XKR3: variants seen among roughly 807,000 people sequenced by gnomAD.
The protein encoded by XKR3 is XK related 3, also known as XK-related protein 3.
Under a neutral mutation model 40.3 loss-of-function variants are expected in XKR3, and 27 were observed. The observed-to-expected ratio is 0.67, with a 90% CI of 0.49 to 0.92. XKR3 has a LOEUF of 0.92. Ranked by LOEUF, XKR3 falls within the 40% of genes least tolerant of loss-of-function variation. XKR3 has a pLI of 0.00. For missense variants in XKR3, 472 were observed against 537.6 expected, an observed-to-expected ratio of 0.88 and a Z score of 1.21; for synonymous variants, 193 against 195.4, an observed-to-expected ratio of 0.99 and a Z score of 0.10.
intron 3 of XKR3, among the ~76,000 whole-genome samples, chr22:16,794,047 G>A (rs1460639298): frequency 6.6e-5 from 10 of 152,134 alleles, no homozygotes; most frequent in South Asian, 2.1e-4. Flanking sequence ...ATGGGGTTAC[G>A]TAAAGCAACC....
rs1438964115 is a variant in XKR3 at position 16,808,091 on chromosome 22, T to A, written c.-10-8A>T. 6.4e-7 allele frequency: 1 copy of A among 1,568,048 alleles called. No homozygotes were observed. The highest frequency in any genetic ancestry group is 2.0e-5 in the Admixed American group (1 of 51,248). ...GTCTCCATTCTCAGGGTGCTGCTAA[T>A]TCAAAGTCGTCTTGTCAGTGAATCC... On this transcript the variant is annotated splice_region_variant and splice_polypyrimidine_tract_variant and intron_variant, in intron 1 of 3. Coordinates refer to ENST00000684488, the MANE Select transcript of XKR3 (RefSeq NM_001386955.1).
At chr22:16,807,646 C>A (rs935449110) in intron 2 of XKR3, 93 bp downstream of exon 2, 1 of 1,161,336 alleles carries the variant, frequency 8.6e-7, no homozygotes, top group South Asian at 1.7e-5. Flanking sequence ...ATTCCGTAAA[C>A]GATAATTATG....
intron 1 of XKR3, among the ~76,000 whole-genome samples, chr22:16,818,886 T>C (rs1397056877): frequency 6.6e-6 from 1 of 152,062 alleles, no homozygotes; most frequent in Non-Finnish European, 1.5e-5. Flanking sequence ...CCCTACCCTA[T>C]TCTGTCAGTG....
chr22:16,798,295 A>G (rs913708779), intron 3 of XKR3, among the ~76,000 whole-genome samples: 4 of 152,180 alleles, frequency 2.6e-5, no homozygotes, highest in African/African-American at 9.7e-5. Flanking sequence ...AAAAATGGCT[A>G]CTATTAAAAT....
At chr22:16,819,966 A>T (rs1041701318) in intron 1 of XKR3, among the ~76,000 whole-genome samples, 4 of 152,224 alleles carry the variant, frequency 2.6e-5, no homozygotes, top group African/African-American at 9.6e-5. Context: ...ACAAAAAGTC[A>T]CTGAACATTA....
In XKR3 at chr22:16,813,474, C is replaced by T. The variant is rs139159702; in HGVS notation, c.-10-5391G>A. ...GATTTTTAAGCCGAGCATACTGAGGCAAGAAAGTTTAAGTAATTTGTCCAA... is the reference window on the plus strand; with the variant it reads ...GATTTTTAAGCCGAGCATACTGAGGTAAGAAAGTTTAAGTAATTTGTCCAA... On this transcript the variant is annotated intron_variant, in intron 1 of 3. Coordinates refer to ENST00000684488, the MANE Select transcript of XKR3 (RefSeq NM_001386955.1). Among the ~76,000 whole-genome samples the T allele has an allele frequency of 2.8e-4, 43 of 151,988 alleles. 1 individual carries two copies. In the East Asian group the frequency reaches 8.1e-3, roughly 29 times the overall value.
At chr22:16,806,144 A>C (rs2060188306) in intron 2 of XKR3, among the ~76,000 whole-genome samples, 1 of 151,974 alleles carries the variant, frequency 6.6e-6, no homozygotes, top group African/African-American at 2.4e-5. Context: ...CTATAATTCC[A>C]GCTACTTGGA....
intron 1 of XKR3, among the ~76,000 whole-genome samples, chr22:16,818,226 A>G (rs2060241702): frequency 6.6e-6 from 1 of 152,006 alleles, no homozygotes; most frequent in Non-Finnish European, 1.5e-5. Context: ...GCCTTCCTCA[A>G]ACTTTGACTT....
chr22:16,819,107 A>G (rs145395727), intron 1 of XKR3, among the ~76,000 whole-genome samples: 1 of 152,246 alleles, frequency 6.6e-6, no homozygotes, highest in African/African-American at 2.4e-5. Context: ...CTGGCTCTGT[A>G]TGCTGAAACA....
At chr22:16,820,887 C>T (rs1397442670) in intron 1 of XKR3, among the ~76,000 whole-genome samples, 2 of 152,082 alleles carry the variant, frequency 1.3e-5, no homozygotes, top group African/African-American at 4.8e-5. Context: ...GACTGTTTCA[C>T]GATCTCTTGT....
At chr22:16,822,493 C>A (rs5994031) in intron 1 of XKR3, among the ~76,000 whole-genome samples, 1 of 151,948 alleles carries the variant, frequency 6.6e-6, no homozygotes, top group Non-Finnish European at 1.5e-5. Context: ...CTGTAAATGG[C>A]TTATATACCA....
intron 3 of XKR3, among the ~76,000 whole-genome samples, chr22:16,792,850 C>G (rs948558636): frequency 7.9e-5 from 12 of 152,140 alleles, no homozygotes; most frequent in African/African-American, 2.9e-4. Flanking sequence ...TTGCAACCAG[C>G]ACTTCCCTCT....
At chr22:16,808,256 T>C (rs2060198797) in intron 1 of XKR3, among the ~76,000 whole-genome samples, 173 bp from the exon 2 acceptor site, 4 of 152,226 alleles carry the variant, frequency 2.6e-5, no homozygotes, top group Admixed American at 2.0e-4. Context: ...TATTGAACTA[T>C]GATGTCTAAT....
intron 1 of XKR3, among the ~76,000 whole-genome samples, chr22:16,811,326 A>G (rs2060211802): frequency 6.6e-6 from 1 of 151,896 alleles, no homozygotes; most frequent in Non-Finnish European, 1.5e-5. Context: ...GGGTTTTGCC[A>G]TGTTGGCCAG....
chr22:16,798,538 C>T (rs1029733874), intron 3 of XKR3, among the ~76,000 whole-genome samples: 1 of 152,160 alleles, frequency 6.6e-6, no homozygotes. Context: ...TTCATTGCTG[C>T]ACTATTCACC....
At chr22:16,818,513 G>A (rs1355130784) in intron 1 of XKR3, among the ~76,000 whole-genome samples, 1 of 152,108 alleles carries the variant, frequency 6.6e-6, no homozygotes, top group Non-Finnish European at 1.5e-5. Flanking sequence ...CCAAGGACCA[G>A]GAGAGGATAA....
intron 3 of XKR3, among the ~76,000 whole-genome samples, chr22:16,797,268 T>A (rs1569037607): frequency 2.0e-5 from 3 of 152,070 alleles, no homozygotes; most frequent in East Asian, 1.9e-4. Context: ...TGGCAAAAAA[T>A]TTTTAGCTAA....
At chr22:16,787,352 A>C (rs1032308967) in intron 3 of XKR3, among the ~76,000 whole-genome samples, 5 of 152,082 alleles carry the variant, frequency 3.3e-5, no homozygotes, top group Admixed American at 2.0e-4. Flanking sequence ...TGTGGTCAGG[A>C]GTTTCAGAGC....
intron 3 of XKR3, among the ~76,000 whole-genome samples, chr22:16,787,832 CAT>C (rs1410613447): frequency 6.6e-6 from 1 of 151,496 alleles, no homozygotes; most frequent in Non-Finnish European, 1.5e-5. Context: ...TATTTATATG[CAT>C]ATATATAATG....
Sources: gnomAD v4.1 joint callset for allele counts (sites outside exome capture counted in the v4.1 genomes callset) on GRCh38, gnomAD v4.1.1 for gene constraint, MANE v1.5 for transcripts, NCBI Gene and HGNC (gene_info 2026-07-23, HGNC 2026-07-21) for gene names.